Variants in ASTN1 observed in about 807,000 individuals in gnomAD.
The protein encoded by ASTN1 is astrotactin-1.
In ASTN1, 41 loss-of-function variants were observed where a neutral mutation model predicts 140.7. That is an observed-to-expected ratio of 0.29 (90% CI 0.23 to 0.38). ASTN1 has a LOEUF of 0.38. Ranked by LOEUF, ASTN1 falls within the 10% of genes least tolerant of loss-of-function variation. The pLI is 1.00. For synonymous variants in ASTN1, 640 were observed against 652.2 expected, an observed-to-expected ratio of 0.98 and a Z score of 0.29; for missense variants, 1,479 against 1,678.8, an observed-to-expected ratio of 0.88 and a Z score of 2.08.
chr1:176,859,352 A>C (rs1667896107), downstream of ASTN1, among the ~76,000 whole-genome samples: 2 of 152,158 alleles, frequency 1.3e-5, no homozygotes, highest in African/African-American at 4.8e-5. Flanking sequence ...TGATGGGGAC[A>C]TTGTGGATGT....
chr1:177,114,918 G>C (rs574187984), intron 1 of ASTN1, among the ~76,000 whole-genome samples: 1 of 152,226 alleles, frequency 6.6e-6, no homozygotes, highest in South Asian at 2.1e-4. Flanking sequence ...CAGTGCATAT[G>C]GTTCAAAAGC....
At chr1:176,996,289 T>TCA (rs372443740) in intron 8 of ASTN1, among the ~76,000 whole-genome samples, 3,910 of 129,280 alleles carry the variant, frequency 0.03, 87 homozygotes, top group East Asian at 0.063. Context: ...TCTCTCTCTC[T>TCA]CACACACACA....
chr1:177,156,754 T>G (rs1683256312), intron 1 of ASTN1, among the ~76,000 whole-genome samples: 1 of 152,032 alleles, frequency 6.6e-6, no homozygotes, highest in African/African-American at 2.4e-5. Context: ...AAGGTAACTT[T>G]ACAGTGGAGA....
intron 1 of ASTN1, among the ~76,000 whole-genome samples, chr1:177,067,437 A>G (rs1678419024): frequency 6.6e-6 from 1 of 152,156 alleles, no homozygotes; most frequent in African/African-American, 2.4e-5. Context: ...TACTATCATT[A>G]AGGTAACCAA....
intron 17 of ASTN1, among the ~76,000 whole-genome samples, chr1:176,890,170 A>T (rs1669201492): frequency 6.6e-6 from 1 of 152,206 alleles, no homozygotes; most frequent in South Asian, 2.1e-4. Flanking sequence ...ACAAACTAGC[A>T]AAGTTACAAT....
chr1:177,151,013 G>C (rs543182178), intron 1 of ASTN1, among the ~76,000 whole-genome samples: 60 of 152,202 alleles, frequency 3.9e-4, no homozygotes, highest in African/African-American at 1.4e-3. Flanking sequence ...ATGCGTTCTT[G>C]TGTAAAGGCA....
chr1:176,917,057 A>C (rs565068170), intron 16 of ASTN1, among the ~76,000 whole-genome samples: 1 of 152,044 alleles, frequency 6.6e-6, no homozygotes, highest in South Asian at 2.1e-4. Context: ...ACCCTCCTTC[A>C]TTCAGTGCGG....
chr1:176,873,646 C>A (rs1668442519), intron 21 of ASTN1, among the ~76,000 whole-genome samples: 1 of 152,118 alleles, frequency 6.6e-6, no homozygotes, highest in Non-Finnish European at 1.5e-5. Flanking sequence ...GGTAGAACTG[C>A]TAGAACTGTA....
intron 16 of ASTN1, among the ~76,000 whole-genome samples, chr1:176,914,126 T>A (rs1670378012): frequency 6.6e-6 from 1 of 152,168 alleles, no homozygotes; most frequent in Non-Finnish European, 1.5e-5. Context: ...TAGTTCCTAT[T>A]TCAGAGATGA....
intron 1 of ASTN1, among the ~76,000 whole-genome samples, chr1:177,130,825 G>C (rs1479450077): frequency 6.6e-6 from 1 of 152,224 alleles, no homozygotes; most frequent in South Asian, 2.1e-4. Flanking sequence ...GGCAGACAAG[G>C]TTACCATTAG....
intron 1 of ASTN1, among the ~76,000 whole-genome samples, chr1:177,129,495 G>A (rs1388869806): frequency 6.6e-6 from 1 of 152,188 alleles, no homozygotes; most frequent in Non-Finnish European, 1.5e-5. Context: ...TCTTCAGCCT[G>A]AGAGGCTGAA....
chr1:177,062,944 C>G (rs1271535123), intron 1 of ASTN1, among the ~76,000 whole-genome samples: 1 of 152,042 alleles, frequency 6.6e-6, no homozygotes, highest in African/African-American at 2.4e-5. Flanking sequence ...TGTGGGAACA[C>G]AGAAGAAGAA....
Position 177,023,446 on chromosome 1 carries a change from G to A in ASTN1, c.1396C>T (p.Arg466Trp), listed in dbSNP as rs756174981. Residue 466 changes from arginine to tryptophan, a missense_variant, in exon 7 of 23, where the codon CGG (arginine) becomes TGG (tryptophan). Coordinates refer to ENST00000361833, the MANE Select transcript of ASTN1 (RefSeq NM_004319.3). Reference protein sequence around the residue: ...GPWAMDLCARRLLDPCEHQCD... With the variant: ...GPWAMDLCARWLLDPCEHQCD... ...TGGTGTTCACAGGGGTCCAGGAGCC[G>A]CCGGGCACAGAGGTCCATGGCCCAG... 1.1e-5 allele frequency: 17 copies of A among 1,604,558 alleles called. No individual in the cohort carries two copies. Among genetic ancestry groups the A allele is most frequent in the East Asian group, 2.3e-5 (1 of 44,158 alleles).
intron 7 of ASTN1, among the ~76,000 whole-genome samples, chr1:177,020,735 G>A (rs939023918): frequency 6.6e-6 from 1 of 152,326 alleles, no homozygotes; most frequent in Admixed American, 6.5e-5. Flanking sequence ...GTGTTCTGAA[G>A]CATGGTGCAG....
At chr1:177,105,737 G>A (rs569156780) in intron 1 of ASTN1, among the ~76,000 whole-genome samples, 6 of 151,910 alleles carry the variant, frequency 3.9e-5, no homozygotes, top group South Asian at 2.1e-4. Context: ...GTATATTCTC[G>A]CTTTGTTCTC....
At position 176,985,845 on chromosome 1, in the gene ASTN1, TACACACACACACACAC is replaced by T. The variant is rs60769752; in HGVS notation, c.1524-20624_1524-20609del. Among the ~76,000 whole-genome samples, 94 of 129,744 alleles carry T rather than the reference TACACACACACACACAC, an allele frequency of 7.2e-4. 1 individual carries two copies. Among genetic ancestry groups the T allele is most frequent in the Admixed American group, 1.9e-3 (25 of 12,944 alleles). 85.1% of individuals were successfully genotyped at this position (129,744 alleles called of 152,430 possible). A position where few individuals can be genotyped will look rare whatever the true frequency, so the allele number is the denominator to read the frequency against. On this transcript the variant is annotated intron_variant, in intron 8 of 22. Transcript: ENST00000361833. Reference sequence around the variant, plus strand: ...TATTGGTTCTCTCTCTCTCTCTCTCTACACACACACACACACACACACACACACACACACACACACA... The same window carrying T: ...TATTGGTTCTCTCTCTCTCTCTCTCTACACACACACACACACACACACACA...
chr1:177,120,054 T>C (rs1681301211), intron 1 of ASTN1, among the ~76,000 whole-genome samples: 1 of 152,190 alleles, frequency 6.6e-6, no homozygotes, highest in Non-Finnish European at 1.5e-5. Context: ...AGCAGTAATG[T>C]TTGGCTCATG....
At chr1:176,942,846 ATAT>A (rs1671791443) in intron 14 of ASTN1, among the ~76,000 whole-genome samples, 1 of 80,332 alleles carries the variant, frequency 1.2e-5, no homozygotes, top group Non-Finnish European at 2.7e-5. Flanking sequence ...GTATATATAT[ATAT>A]ATATATATAT....
chr1:177,028,794 G>T (rs1284293402), intron 5 of ASTN1, among the ~76,000 whole-genome samples: 1 of 152,182 alleles, frequency 6.6e-6, no homozygotes, highest in Non-Finnish European at 1.5e-5. Context: ...TCCTGATAAA[G>T]CTCTATGTTC....
Sources: allele counts gnomAD v4.1 joint callset (sites outside exome capture counted in the v4.1 genomes callset), GRCh38; gene constraint gnomAD v4.1.1; transcripts MANE v1.5; gene names NCBI Gene and HGNC (gene_info 2026-07-23, HGNC 2026-07-21).